PPP3R1: variants seen among roughly 807,000 people sequenced by gnomAD.
PPP3R1 encodes the protein protein phosphatase 3 regulatory subunit B, alpha.
In PPP3R1, 5 loss-of-function variants were observed where a neutral mutation model predicts 22.6. The observed-to-expected ratio is 0.22, with a 90% CI of 0.12 to 0.46. PPP3R1 has a LOEUF of 0.46. Ranked by LOEUF, PPP3R1 falls within the 20% of genes least tolerant of loss-of-function variation. The probability of loss-of-function intolerance (pLI) is 0.99; values close to 1 mark genes in which losing one functional copy is unlikely to be tolerated. For missense variants in PPP3R1, 61 were observed against 203.2 expected (o/e 0.30, Z 4.25); for synonymous variants, 56 against 65.2 (o/e 0.86, Z 0.68).
intron 2 of PPP3R1, among the ~76,000 whole-genome samples, chr2:68,207,223 A>T (rs1349126540): frequency 1.4e-3 from 26 of 18,700 alleles, no homozygotes; most frequent in Middle Eastern, 0.017. Context: ...AAATATGATA[A>T]AAAAAAAAAA....
At chr2:68,216,680 C>T (rs1669585581) in intron 2 of PPP3R1, among the ~76,000 whole-genome samples, 3 of 152,106 alleles carry the variant, frequency 2.0e-5, no homozygotes, top group Admixed American at 6.6e-5. Context: ...GGATTTCCCT[C>T]TTCCTCAGTG....
At chr2:68,207,491 T>C (rs545860331) in intron 2 of PPP3R1, among the ~76,000 whole-genome samples, 2 of 152,332 alleles carry the variant, frequency 1.3e-5, no homozygotes, top group Admixed American at 1.3e-4. Context: ...TAAAAAACCA[T>C]GACTTTTGCC....
At chr2:68,216,917 T>G (rs1178974493) in intron 2 of PPP3R1, among the ~76,000 whole-genome samples, 175 bp downstream of exon 2, 1 of 151,820 alleles carries the variant, frequency 6.6e-6, no homozygotes, top group East Asian at 1.9e-4. Flanking sequence ...TCTGGTAACA[T>G]AAATAGACTG....
At chr2:68,230,448 A>G (rs1273404968) in intron 1 of PPP3R1, among the ~76,000 whole-genome samples, 1 of 141,114 alleles carries the variant, frequency 7.1e-6, no homozygotes, top group African/African-American at 2.6e-5. Context: ...TCTCATTGGT[A>G]TCATCATTTT....
intron 2 of PPP3R1, among the ~76,000 whole-genome samples, chr2:68,200,878 T>C (rs531363514): frequency 1.3e-5 from 2 of 152,328 alleles, no homozygotes; most frequent in African/African-American, 4.8e-5. Flanking sequence ...GCCTGTGTAT[T>C]ATTGTTTTTC....
intron 1 of PPP3R1, among the ~76,000 whole-genome samples, chr2:68,245,118 C>G (rs773657791): frequency 9.2e-5 from 14 of 152,184 alleles, no homozygotes; most frequent in Non-Finnish European, 1.8e-4. Context: ...CGACTGTAAT[C>G]CCAGCACTCT....
At chr2:68,236,273 C>T (rs1670018161) in intron 1 of PPP3R1, among the ~76,000 whole-genome samples, 1 of 152,072 alleles carries the variant, frequency 6.6e-6, no homozygotes. Flanking sequence ...GTTTTATTGG[C>T]ATACTGCCAC....
chr2:68,201,276 C>T (rs1425199942), intron 2 of PPP3R1, among the ~76,000 whole-genome samples: 4 of 152,242 alleles, frequency 2.6e-5, no homozygotes, highest in Non-Finnish European at 2.9e-5. Context: ...AATTATATTT[C>T]CACAAAAGAA....
chr2:68,240,128 G>A (rs1012311636), intron 1 of PPP3R1, among the ~76,000 whole-genome samples: 3 of 152,064 alleles, frequency 2.0e-5, no homozygotes, highest in Admixed American at 1.3e-4. Context: ...TAACCCCAAC[G>A]TAAGTCAAGG....
chr2:68,246,988 C>G (rs984350343), intron 1 of PPP3R1, among the ~76,000 whole-genome samples: 1 of 151,712 alleles, frequency 6.6e-6, no homozygotes, highest in African/African-American at 2.4e-5. Context: ...AACAGTCTTG[C>G]TCTGTCACCC....
intron 1 of PPP3R1, among the ~76,000 whole-genome samples, chr2:68,244,739 G>C (rs1186121887): frequency 6.6e-6 from 1 of 151,630 alleles, no homozygotes; most frequent in Non-Finnish European, 1.5e-5. Flanking sequence ...ATTATCCTTT[G>C]TCTTTCTTTC....
intron 1 of PPP3R1, among the ~76,000 whole-genome samples, chr2:68,238,859 T>A (rs1670067163): frequency 6.6e-6 from 1 of 152,122 alleles, no homozygotes; most frequent in African/African-American, 2.4e-5. Flanking sequence ...AAACCTCGTG[T>A]TCTTAAAACC....
intron 5 of PPP3R1, 109 bp from the exon 6 acceptor site, chr2:68,181,119 G>A: frequency 9.6e-7 from 1 of 1,047,068 alleles, no homozygotes; most frequent in Non-Finnish European, 1.4e-6. Context: ...GCTGGGCGTG[G>A]TGGCTCACAC....
intron 3 of PPP3R1, 135 bp downstream of exon 3, chr2:68,188,379 C>T (rs1043611301): frequency 1.8e-5 from 11 of 612,824 alleles, no homozygotes; most frequent in Middle Eastern, 4.8e-4. Flanking sequence ...ATGCCACAGA[C>T]GCTGAGGTTT....
In PPP3R1 at chr2:68,186,468, A is replaced by G. The variant is rs376712082; in HGVS notation, c.465T>C (p.Ala155=). 2.5e-6 allele frequency: 4 copies of G among 1,608,996 alleles called. No individual in the cohort carries two copies. The highest frequency in any genetic ancestry group is 1.3e-5 in the African/African-American group (1 of 74,792). The part of the protein sequence containing the change: ...DGRISFEEFC[A]VVGGLDIHKK... The stretch of plus-strand genomic sequence containing the variant: ...GAAGAACCAGCTCTTTTGTACTTAC[A>G]GCACAGAATTCTTCAAAGGATATTC... The change falls in exon 5 of 6, where the codon GCT becomes GCC. Residue 155 remains alanine, a splice_region_variant and synonymous_variant. Coordinates refer to ENST00000234310, the MANE Select transcript of PPP3R1 (RefSeq NM_000945.4).
chr2:68,205,295 T>G (rs1361342099), intron 2 of PPP3R1, among the ~76,000 whole-genome samples: 1 of 146,826 alleles, frequency 6.8e-6, no homozygotes, highest in Non-Finnish European at 1.5e-5. Flanking sequence ...CAGGCTGCAG[T>G]GCAATGGCGC....
chr2:68,216,951 TA>T, intron 2 of PPP3R1, 140 bp downstream of exon 2: 1 of 591,918 alleles, frequency 1.7e-6, no homozygotes, highest in South Asian at 3.4e-5. Flanking sequence ...CTACCCACTT[TA>T]AATAGTTAAG....
rs561692350 is a variant in PPP3R1, at chr2:68,221,370, T to C, written c.4-4239A>G. Reference sequence around the variant, plus strand: ...AACACGAGCCAGGCATGTTAGCATATGCCTGTAGTCTCGGCTACTCAGGAG... The same window carrying C: ...AACACGAGCCAGGCATGTTAGCATACGCCTGTAGTCTCGGCTACTCAGGAG... On this transcript the variant is annotated intron_variant, in intron 1 of 5. Coordinates refer to ENST00000234310, the MANE Select transcript of PPP3R1 (RefSeq NM_000945.4). 3.3e-5 allele frequency among the ~76,000 whole-genome samples: 5 copies of C among 151,256 alleles called. No homozygotes were observed. The South Asian group carries it at 6.3e-4, about 19-fold the overall frequency.
At chr2:68,217,009 G>GAT (rs1669591257) in intron 2 of PPP3R1, 83 bp downstream of exon 2, 6 of 876,608 alleles carry the variant, frequency 6.8e-6, no homozygotes, top group Middle Eastern at 2.3e-4. Flanking sequence ...ACAGAGGTAT[G>GAT]ATACACACAC....
Sources: allele counts gnomAD v4.1 joint callset (sites outside exome capture counted in the v4.1 genomes callset), GRCh38; gene constraint gnomAD v4.1.1; transcripts MANE v1.5; gene names NCBI Gene and HGNC (gene_info 2026-07-23, HGNC 2026-07-21).